GFRA1: variants seen among roughly 807,000 people sequenced by gnomAD.
The protein encoded by GFRA1 is GDNF family receptor alpha-1.
GFRA1 carries 16 observed loss-of-function variants against 51.6 expected under a neutral mutation model. The observed-to-expected ratio is 0.31, with a 90% CI of 0.21 to 0.47. The LOEUF is 0.47. Ranked by LOEUF, GFRA1 falls within the 20% of genes least tolerant of loss-of-function variation. The pLI, the probability that GFRA1 is intolerant of heterozygous loss-of-function variation, is 1.00. For missense variants in GFRA1, 530 were observed against 594.3 expected, an observed-to-expected ratio of 0.89 and a Z score of 1.13; for synonymous variants, 270 against 241.3, an observed-to-expected ratio of 1.12 and a Z score of -1.10.
chr10:116,205,543 C>G (rs1175468141), intron 5 of GFRA1, among the ~76,000 whole-genome samples: 1 of 150,282 alleles, frequency 6.7e-6, no homozygotes. Flanking sequence ...CCACTGCACT[C>G]TAGCCTGGCG....
intron 9 of GFRA1, among the ~76,000 whole-genome samples, chr10:116,077,247 T>A (rs1299660595): frequency 1.3e-5 from 2 of 152,144 alleles, no homozygotes; most frequent in African/African-American, 2.4e-5. Context: ...ATAAAAGAGT[T>A]TTTAAAAAGA....
Position 116,089,775 on chromosome 10 carries a change from G to T in GFRA1, c.1163C>A (p.Pro388His), listed in dbSNP as rs140448785. The T allele has an allele frequency of 6.2e-7, 1 of 1,614,124 alleles. No homozygotes were observed. The highest frequency in any genetic ancestry group is 1.7e-5 in the Admixed American group (1 of 60,018). The change falls in exon 9 of 11, where the codon CCC becomes CAC. Residue 388 changes from proline (P) to histidine (H), a missense_variant. By Grantham distance (77) the Pro-to-His change is moderately conservative. Transcript: ENST00000355422. ...TGCACACGGTGGCAAAACATGAGTGGGAATTTCATTCTCAGACCCTGCTGG... is the reference window on the plus strand; with the variant it reads ...TGCACACGGTGGCAAAACATGAGTGTGAATTTCATTCTCAGACCCTGCTGG... ...LGPAGSENEI[P>H]THVLPPCANL...
chr10:116,271,834 G>A (rs765185775), intron 2 of GFRA1, among the ~76,000 whole-genome samples, 156 bp downstream of exon 2: 2 of 152,118 alleles, frequency 1.3e-5, no homozygotes, highest in South Asian at 2.1e-4. Flanking sequence ...TCCCTAACCC[G>A]GGGATTCGCG....
intron 4 of GFRA1, among the ~76,000 whole-genome samples, chr10:116,244,294 AAAG>A (rs1565675986): frequency 6.7e-6 from 1 of 149,612 alleles, no homozygotes; most frequent in African/African-American, 2.4e-5. Context: ...ATCTCATCAA[AAAG>A]AAGAAAAATT....
intron 5 of GFRA1, among the ~76,000 whole-genome samples, chr10:116,165,543 T>C (rs1343640288): frequency 1.3e-5 from 2 of 152,160 alleles, no homozygotes; most frequent in Admixed American, 1.3e-4. Context: ...ACCTGGTGAA[T>C]TGCTGTTACT....
chr10:116,093,652 G>A (rs766907315), intron 8 of GFRA1, 50 bp downstream of exon 8: 29 of 1,554,744 alleles, frequency 1.9e-5, no homozygotes, highest in East Asian at 4.5e-5. Flanking sequence ...GCTGGAGCTC[G>A]GAGAAGAAAA....
chr10:116,160,060 T>C (rs1959592499), intron 5 of GFRA1, among the ~76,000 whole-genome samples: 1 of 152,222 alleles, frequency 6.6e-6, no homozygotes, highest in Admixed American at 6.5e-5. Context: ...AACTGCCTAA[T>C]CCCTGCTATC....
At chr10:116,135,655 T>C (rs1958292149) in intron 5 of GFRA1, among the ~76,000 whole-genome samples, 1 of 152,236 alleles carries the variant, frequency 6.6e-6, no homozygotes, top group Non-Finnish European at 1.5e-5. Flanking sequence ...CATTAAAATA[T>C]ATTTTATCTA....
intron 4 of GFRA1, among the ~76,000 whole-genome samples, chr10:116,228,022 A>G (rs559331106): frequency 6.6e-6 from 1 of 152,346 alleles, no homozygotes; most frequent in South Asian, 2.1e-4. Flanking sequence ...TTGTGGCTTG[A>G]GGCATCTTCA....
intron 4 of GFRA1, among the ~76,000 whole-genome samples, chr10:116,235,036 C>A (rs1053602285): frequency 6.6e-6 from 1 of 152,222 alleles, no homozygotes; most frequent in Non-Finnish European, 1.5e-5. Flanking sequence ...GAGGCCTCCC[C>A]AGCCATGCCG....
rs951323987 is a variant in GFRA1 at position 116,057,335 on chromosome 10, C to T, written c.*7063G>A. 8 of 152,152 alleles carry T rather than the reference C, an allele frequency of 5.3e-5. No individual in the cohort carries two copies. Among genetic ancestry groups the T allele is most frequent in the Non-Finnish European group, 1.2e-4 (8 of 68,042 alleles). 9.4% of individuals were successfully genotyped at this position (152,152 alleles called of 1,614,324 possible). A position where few individuals can be genotyped will look rare whatever the true frequency, so the allele number is the denominator to read the frequency against. ...CTCAGTCGACCCCTCACCCCTGTTC[C>T]GAGGAGACTGGGTGTCTGAACCCCT... is the stretch of plus-strand genomic sequence containing the variant. On this transcript the variant is annotated 3_prime_UTR_variant, in exon 11 of 11. Coordinates refer to ENST00000355422, the MANE Select transcript of GFRA1 (RefSeq NM_005264.8).
chr10:116,105,559 A>G (rs904195814), intron 6 of GFRA1, among the ~76,000 whole-genome samples: 13 of 152,350 alleles, frequency 8.5e-5, no homozygotes, highest in African/African-American at 2.9e-4. Flanking sequence ...TGTCTTCAGA[A>G]GGAATTTTGA....
chr10:116,060,034 G>C lies in GFRA1; in HGVS notation c.*4364C>G, dbSNP rs1555141124. On this transcript the variant is annotated 3_prime_UTR_variant, in exon 11 of 11. Coordinates refer to ENST00000355422, the MANE Select transcript of GFRA1 (RefSeq NM_005264.8). ...TGAATAATAACGATGAAAGAGAGCT[G>C]AATCAGCCAATATCCTGATATAAAT... The C allele has an allele frequency of 6.6e-6, 1 of 152,150 alleles. No individual in the cohort carries two copies. Among genetic ancestry groups the C allele is most frequent in the Non-Finnish European group, 1.5e-5 (1 of 68,034 alleles). 9.4% of individuals were successfully genotyped at this position (152,150 alleles called of 1,614,324 possible).
In GFRA1 at chr10:116,065,600, C is replaced by T. The variant is rs374656900; in HGVS notation, c.1224G>A (p.Ser408=). ...LQAQKLKSNV[S]GNTHLCISNG... is the part of the protein sequence containing the mutation. ...TGGAAATACAGAGGTGTGTATTGCC[C>T]GACACATTGGATTTCAGCTTCTGTG... The change falls in exon 10 of 11, where the codon TCG becomes TCA. Residue 408 remains serine (S), a synonymous_variant. Transcript: ENST00000355422. 9.9e-6 allele frequency: 16 copies of T among 1,613,220 alleles called. No individual in the cohort carries two copies. Among genetic ancestry groups the T allele is most frequent in the Middle Eastern group, 1.6e-4 (1 of 6,080 alleles).
At chr10:116,100,132 G>T (rs1030449301) in intron 6 of GFRA1, among the ~76,000 whole-genome samples, 19 of 152,146 alleles carry the variant, frequency 1.2e-4, no homozygotes, top group Non-Finnish European at 2.8e-4. Context: ...GAATTGGTTA[G>T]GTACAGGTAG....
intron 4 of GFRA1, among the ~76,000 whole-genome samples, chr10:116,225,675 T>A (rs550565066): frequency 6.7e-6 from 1 of 150,218 alleles, no homozygotes; most frequent in South Asian, 2.2e-4. Context: ...TAGCAGCCTC[T>A]GCCTCCCAAG....
intron 5 of GFRA1, among the ~76,000 whole-genome samples, chr10:116,160,439 G>A (rs897301065): frequency 2.0e-5 from 3 of 152,212 alleles, no homozygotes; most frequent in African/African-American, 7.2e-5. Flanking sequence ...ATGCCCTGAA[G>A]GCAGCAAACA....
In GFRA1 at chr10:116,062,004, T is replaced by C. The variant is rs1177650403; in HGVS notation, c.*2394A>G. ...GAGGAGCTGGTAACTTGAATATGCT[T>C]TTATCACTGAAGAAAAATGAGATAT... On this transcript the variant is annotated 3_prime_UTR_variant, in exon 11 of 11. Coordinates refer to ENST00000355422, the MANE Select transcript of GFRA1 (RefSeq NM_005264.8). 1.8e-5 allele frequency: 7 copies of C among 398,612 alleles called. No individual in the cohort carries two copies. The East Asian group carries it at 2.1e-4, about 12-fold the overall frequency. The allele number at this position is 398,612 out of a possible 1,614,324, so 24.7% of individuals were successfully genotyped here. A position where few individuals can be genotyped will look rare whatever the true frequency, so the allele number is the denominator to read the frequency against.
intron 9 of GFRA1, among the ~76,000 whole-genome samples, chr10:116,072,674 T>C (rs1349267858): frequency 6.6e-6 from 1 of 152,120 alleles, no homozygotes; most frequent in Non-Finnish European, 1.5e-5. Context: ...GGCAGGAGAA[T>C]TGCTTGAACC....
Sources: gnomAD v4.1 joint callset for allele counts (sites outside exome capture counted in the v4.1 genomes callset) on GRCh38, gnomAD v4.1.1 for gene constraint, MANE v1.5 for transcripts, NCBI Gene and HGNC (gene_info 2026-07-23, HGNC 2026-07-21) for gene names.